The following PLCB1 variants were observed in gnomAD, a reference collection of about 807,000 sequenced individuals.
PLCB1 encodes phospholipase C beta 1, also known as 1-phosphatidylinositol 4,5-bisphosphate phosphodiesterase beta-1.
PLCB1 carries 46 observed loss-of-function variants against 161.8 expected under a neutral mutation model. The ratio of observed to expected loss-of-function variants is 0.28; its 90% CI spans 0.22 to 0.36. The LOEUF is 0.36. Ranked by LOEUF, PLCB1 falls within the 10% of genes least tolerant of loss-of-function variation. The pLI, the probability that PLCB1 is intolerant of heterozygous loss-of-function variation, is 1.00. For synonymous variants in PLCB1, 517 were observed against 503.7 expected (o/e 1.03, Z -0.35); for missense variants, 1,016 against 1,472.5 (o/e 0.69, Z 5.07).
At chr20:8,509,372 T>A (rs955476340) in intron 3 of PLCB1, among the ~76,000 whole-genome samples, 1 of 152,208 alleles carries the variant, frequency 6.6e-6, no homozygotes, top group African/African-American at 2.4e-5. Flanking sequence ...AAGTCATAAT[T>A]TGAGCTGAAG....
chr20:8,464,309 T>C (rs1403977690), intron 3 of PLCB1, among the ~76,000 whole-genome samples: 1 of 152,176 alleles, frequency 6.6e-6, no homozygotes, highest in Non-Finnish European at 1.5e-5. Context: ...TTCCTAAATC[T>C]GAGGTTTGAG....
intron 3 of PLCB1, among the ~76,000 whole-genome samples, chr20:8,548,205 C>G (rs1985629268): frequency 8.1e-6 from 1 of 123,036 alleles, no homozygotes; most frequent in South Asian, 2.5e-4. Flanking sequence ...TTCCCATTTT[C>G]TTTCCTTCCT....
rs1176867883 is a variant in PLCB1 at position 8,741,508 on chromosome 20, A to G, written c.2458A>G (p.Met820Val). The G allele has an allele frequency of 6.2e-7, 1 of 1,613,708 alleles. No homozygotes were observed. Among genetic ancestry groups the G allele is most frequent in the Non-Finnish European group, 8.5e-7 (1 of 1,179,732 alleles). The change falls in exon 23 of 32, where the codon ATG becomes GTG. Residue 820 changes from methionine (M) to valine (V), a missense_variant. Coordinates refer to ENST00000338037, the MANE Select transcript of PLCB1 (RefSeq NM_015192.4). Reference protein sequence around the residue: ...LSNPIRYVNLMEQRAKQLAAL... With the variant: ...LSNPIRYVNLVEQRAKQLAAL... The stretch of plus-strand genomic sequence containing the variant: ...AAACCCAATCCGATATGTGAACCTG[A>G]TGGAACAGAGAGCTAAGCAATTGGC...
At chr20:8,776,667 A>G (rs375592448) in intron 27 of PLCB1, among the ~76,000 whole-genome samples, 1 of 152,232 alleles carries the variant, frequency 6.6e-6, no homozygotes, top group South Asian at 2.1e-4. Context: ...TTAGGCATTC[A>G]GCCATTCATT....
chr20:8,510,156 C>T (rs531899445), intron 3 of PLCB1, among the ~76,000 whole-genome samples: 19 of 152,202 alleles, frequency 1.2e-4, no homozygotes, highest in Admixed American at 7.9e-4. Flanking sequence ...ATTTTATTTT[C>T]TACTATGTTT....
intron 31 of PLCB1, among the ~76,000 whole-genome samples, chr20:8,850,861 G>C (rs1986861986): frequency 6.6e-6 from 1 of 152,176 alleles, no homozygotes; most frequent in Non-Finnish European, 1.5e-5. Flanking sequence ...ATAGCAGCAG[G>C]AATGAACCGA....
At chr20:8,819,948 G>T (rs1985256625) in intron 31 of PLCB1, among the ~76,000 whole-genome samples, 13 of 150,626 alleles carry the variant, frequency 8.6e-5, no homozygotes, top group Admixed American at 8.6e-4. Flanking sequence ...TAACACTGTG[G>T]TTTATTTATA....
rs998239779 is a variant in PLCB1 at position 8,267,429 on chromosome 20, A to G, written c.178-103953A>G. ...ATCTCTGTGGTATAATCCATGCTCC[A>G]GAACTCCCTTGGGTCCACGCTCAGG... On this transcript the variant is annotated intron_variant, in intron 2 of 31. Transcript: ENST00000338037. Among the ~76,000 whole-genome samples the G allele has an allele frequency of 4.6e-5, 7 of 152,128 alleles. No homozygotes were observed. In the South Asian group the frequency reaches 1.5e-3, roughly 32 times the overall value.
chr20:8,675,318 T>G lies in PLCB1; in HGVS notation c.863-9614T>G, dbSNP rs879754510. Among the ~76,000 whole-genome samples, 2 of 152,194 alleles carry G rather than the reference T, an allele frequency of 1.3e-5. 1 individual carries two copies. Among genetic ancestry groups the G allele is most frequent in the Admixed American group, 1.3e-4 (2 of 15,280 alleles). On this transcript the variant is annotated intron_variant, in intron 9 of 31. Transcript: ENST00000338037. ...AGCTATTTCCCACCTAATAAGTACC[T>G]GGGAGCTCAAGCTTCCTCTGTGGCT...
In PLCB1 at chr20:8,595,104, TA is replaced by T. The variant is rs759170825; in HGVS notation, c.247-33189del. On this transcript the variant is annotated intron_variant, in intron 3 of 31. Transcript: ENST00000338037. ...AATATGTCTATACAAAATATTTATT[TA>T]TTTTTTTATTATACTTTAAGTTTTA... Among the ~76,000 whole-genome samples, 79 of 152,290 alleles carry T rather than the reference TA, an allele frequency of 5.2e-4. No individual in the cohort carries two copies. The Middle Eastern group carries it at 0.01, about 20-fold the overall frequency.
intron 31 of PLCB1, among the ~76,000 whole-genome samples, chr20:8,878,764 T>C (rs900507079): frequency 3.3e-5 from 5 of 152,118 alleles, no homozygotes; most frequent in Non-Finnish European, 7.3e-5. Flanking sequence ...GATATTTCAA[T>C]AATTTTTATA....
At chr20:8,687,461 C>T (rs937279309) in intron 10 of PLCB1, among the ~76,000 whole-genome samples, 10 of 152,214 alleles carry the variant, frequency 6.6e-5, no homozygotes, top group Non-Finnish European at 1.2e-4. Context: ...GCAGTATACA[C>T]TGAACCATAT....
intron 23 of PLCB1, among the ~76,000 whole-genome samples, chr20:8,743,839 A>C (rs1981006094): frequency 6.6e-6 from 1 of 152,170 alleles, no homozygotes; most frequent in South Asian, 2.1e-4. Context: ...TTAAAAGATT[A>C]AGAAAGACTG....
At chr20:8,231,981 C>T (rs1040178048) in intron 2 of PLCB1, among the ~76,000 whole-genome samples, 16 of 152,118 alleles carry the variant, frequency 1.1e-4, no homozygotes, top group African/African-American at 3.6e-4. Flanking sequence ...GGGTCAGAGT[C>T]GCCAATCTAT....
At chr20:8,696,151 A>G (rs1990579022) in intron 10 of PLCB1, among the ~76,000 whole-genome samples, 1 of 152,172 alleles carries the variant, frequency 6.6e-6, no homozygotes, top group African/African-American at 2.4e-5. Flanking sequence ...ATATTTGTAC[A>G]CTTGATCCAA....
intron 3 of PLCB1, among the ~76,000 whole-genome samples, chr20:8,521,235 C>A (rs1356236398): frequency 6.6e-6 from 1 of 151,810 alleles, no homozygotes; most frequent in Admixed American, 6.6e-5. Flanking sequence ...TTTATTAATT[C>A]AGTGAGGCCC....
At chr20:8,213,683 G>A (rs1978953515) in intron 2 of PLCB1, among the ~76,000 whole-genome samples, 1 of 152,002 alleles carries the variant, frequency 6.6e-6, no homozygotes, top group Non-Finnish European at 1.5e-5. Context: ...AAATGGTGGT[G>A]GTGGTGGTGG....
At chr20:8,439,203 C>T (rs1041054143) in intron 3 of PLCB1, among the ~76,000 whole-genome samples, 17 of 152,254 alleles carry the variant, frequency 1.1e-4, no homozygotes, top group African/African-American at 3.9e-4. Flanking sequence ...CTTACTGTAG[C>T]GTTTCCATCC....
intron 3 of PLCB1, 58 bp from the exon 4 acceptor site, chr20:8,628,235 AT>A (rs1988418821): frequency 6.3e-6 from 8 of 1,268,898 alleles, no homozygotes; most frequent in Non-Finnish European, 9.2e-6. Context: ...AGTTGAAGTT[AT>A]GCTATCACGT....
Sources: allele counts gnomAD v4.1 joint callset (sites outside exome capture counted in the v4.1 genomes callset), GRCh38; gene constraint gnomAD v4.1.1; transcripts MANE v1.5; gene names NCBI Gene and HGNC (gene_info 2026-07-23, HGNC 2026-07-21).